The following MYH2 variants were observed in gnomAD, a reference collection of about 807,000 sequenced individuals.
MYH2 encodes myosin-2.
MYH2 carries 139 observed loss-of-function variants against 228.1 expected under a neutral mutation model. That is an observed-to-expected ratio of 0.61 (90% CI 0.53 to 0.70). The LOEUF (loss-of-function observed/expected upper bound fraction) is 0.70, where lower values mean the gene tolerates loss of function less well. Ranked by LOEUF, MYH2 falls within the 30% of genes least tolerant of loss-of-function variation. The probability of loss-of-function intolerance (pLI) is 0.00; values close to 1 mark genes in which losing one functional copy is unlikely to be tolerated. For synonymous variants in MYH2, 796 were observed against 871.1 expected (o/e 0.91, Z 1.52); for missense variants, 1,809 against 2,357.5 (o/e 0.77, Z 4.82).
In MYH2 at chr17:10,524,612, G is replaced by A; in HGVS notation, c.5029C>T (p.Leu1677=). 1 of 1,614,218 alleles carries A rather than the reference G, an allele frequency of 6.2e-7. No homozygotes were observed. Among genetic ancestry groups the A allele is most frequent in the Non-Finnish European group, 8.5e-7 (1 of 1,180,038 alleles). The change falls in exon 35 of 40, where the codon CTG becomes TTG. Residue 1677 remains leucine, a synonymous_variant. Coordinates refer to ENST00000245503, the MANE Select transcript of MYH2 (RefSeq NM_017534.6). This position sits in a 1 kb window ranked among gnomAD's most constrained non-coding sequence, Gnocchi z 4.7. ...TTGGCTCTGCGCTCCACCATGGCCA[G>A]CTGTTCCTTCAGGTCCTCCTGGCTC... ...LRSQEDLKEQ[L]AMVERRANLL...
intron 22 of MYH2, among the ~76,000 whole-genome samples, chr17:10,530,458 A>G (rs2073411425): frequency 6.6e-6 from 1 of 152,070 alleles, no homozygotes; most frequent in African/African-American, 2.4e-5. Flanking sequence ...GCAGAAATCA[A>G]CTTATTGTGG....
At position 10,525,294 on chromosome 17, in the gene MYH2, T is replaced by A. The variant is rs765685386; in HGVS notation, c.4592A>T (p.Glu1531Val). The change falls in exon 33 of 40, where the codon GAA (glutamate) becomes GTA (valine). Residue 1531 changes from glutamate (E) to valine (V), a missense_variant. Glu to Val is a moderately radical substitution (Grantham distance 121). Transcript: ENST00000245503. The surrounding 1 kb of genome is among the most constrained non-coding windows in gnomAD (Gnocchi z 4.2). Reference sequence around the variant, plus strand: ...CACTTGTTTCTTTATTTTCTCCAGTTCATGGATACGTTTCCCTCCTTCTGC... The same window carrying A: ...CACTTGTTTCTTTATTTTCTCCAGTACATGGATACGTTTCCCTCCTTCTGC... The part of the protein sequence containing the change: ...QIAEGGKRIH[E>V]LEKIKKQVEQ... 2 of 1,614,072 alleles carry A rather than the reference T, an allele frequency of 1.2e-6. No individual in the cohort carries two copies. The highest frequency in any genetic ancestry group is 1.3e-5 in the African/African-American group (1 of 74,936).
At position 10,535,722 on chromosome 17, in the gene MYH2, TC is replaced by T. The variant is rs1277911752; in HGVS notation, c.1975-358del. 2.6e-5 allele frequency among the ~76,000 whole-genome samples: 4 copies of T among 152,182 alleles called. No homozygotes were observed. In the East Asian group the frequency reaches 7.7e-4, roughly 29 times the overall value. On this transcript the variant is annotated intron_variant, in intron 17 of 39. Coordinates refer to ENST00000245503, the MANE Select transcript of MYH2 (RefSeq NM_017534.6). ...TCTTTCTTCTACCAAATTCCATAGT[TC>T]TCCAATAAGGAAATGGAAGCCTGCA...
Position 10,529,662 on chromosome 17 carries a change from C to T in MYH2, c.3019G>A (p.Glu1007Lys), listed in dbSNP as rs1226690028. ...TCATCCAGGGTCTGCTGGTGGGCCTCCTGGAGAGCCTTCTTCTCCTTGGTC... is the reference window on the plus strand; with the variant it reads ...TCATCCAGGGTCTGCTGGTGGGCCTTCTGGAGAGCCTTCTTCTCCTTGGTC... ...KLTKEKKALQ[E>K]AHQQTLDDLQ... The change falls in exon 24 of 40, where the codon GAG (glutamate) becomes AAG (lysine). Residue 1007 changes from glutamate to lysine, a missense_variant. Around this residue, in one of 9 missense-constraint regions of MYH2, gnomAD observed 636 missense variants for 729.9 expected, o/e 0.87. Coordinates refer to ENST00000245503, the MANE Select transcript of MYH2 (RefSeq NM_017534.6). 6.2e-7 allele frequency: 1 copy of T among 1,614,020 alleles called. No individual in the cohort carries two copies. Among genetic ancestry groups the T allele is most frequent in the South Asian group, 1.1e-5 (1 of 91,068 alleles).
chr17:10,546,255 TGATA>T (rs1417550588), intron 4 of MYH2, among the ~76,000 whole-genome samples: 432 of 27,154 alleles, frequency 0.016, 12 homozygotes, highest in African/African-American at 0.073. Flanking sequence ...GGACACGAAA[TGATA>T]TATATATATA....
chr17:10,543,544 T>C (rs1266608612), intron 8 of MYH2, among the ~76,000 whole-genome samples, 167 bp downstream of exon 8: 1 of 152,136 alleles, frequency 6.6e-6, no homozygotes, highest in Non-Finnish European at 1.5e-5. Flanking sequence ...AAAGGCCATA[T>C]ATCCTTCAAG....
At position 10,525,509 on chromosome 17, in the gene MYH2, G is replaced by T; in HGVS notation, c.4479C>A (p.Ala1493=). 1 of 1,614,130 alleles carries T rather than the reference G, an allele frequency of 6.2e-7. No individual in the cohort carries two copies. The highest frequency in any genetic ancestry group is 1.1e-5 in the South Asian group (1 of 91,076). The change falls in exon 32 of 40, where the codon GCC becomes GCA. Residue 1493 remains alanine (A), a synonymous_variant. Coordinates refer to ENST00000245503, the MANE Select transcript of MYH2 (RefSeq NM_017534.6). This position sits in a 1 kb window ranked among gnomAD's most constrained non-coding sequence, Gnocchi z 4.2. ...CTAGCTGATCCAAAGATTCCTCATA[G>T]GCATTCTTTATCTTGAACAGCTCAG... is the stretch of plus-strand genomic sequence containing the variant. ...LGTELFKIKN[A]YEESLDQLET...
chr17:10,549,107 G>A (rs1484731212), intron 2 of MYH2, among the ~76,000 whole-genome samples: 1 of 152,162 alleles, frequency 6.6e-6, no homozygotes, highest in Admixed American at 6.5e-5. Flanking sequence ...GGGAATCTGA[G>A]GGTAGACTCT....
chr17:10,525,086 A>G lies in MYH2; in HGVS notation c.4663-21T>C. ...GATGCCTTAATGACAGCAAGAGGTG[A>G]CATTAGCAAGGAACCAAAAGCTTTA... On this transcript the variant is annotated intron_variant, in intron 33 of 39. Transcript: ENST00000245503. This position sits in a 1 kb window ranked among gnomAD's most constrained non-coding sequence, Gnocchi z 4.2. 6.2e-7 allele frequency: 1 copy of G among 1,614,166 alleles called. No individual in the cohort carries two copies. Among genetic ancestry groups the G allele is most frequent in the Non-Finnish European group, 8.5e-7 (1 of 1,180,024 alleles).
rs767880435 is a variant in MYH2, at chr17:10,535,283, G to T, written c.2057C>A (p.Thr686Asn). 3.7e-6 allele frequency: 6 copies of T among 1,614,010 alleles called. No individual in the cohort carries two copies. Among genetic ancestry groups the T allele is most frequent in the African/African-American group, 1.3e-5 (1 of 74,914 alleles). ...TTCATTATGGAATTTCTTACCAGGAGTTTTTGTCTCATTGGGGATGATACA... is the reference window on the plus strand; with the variant it reads ...TTCATTATGGAATTTCTTACCAGGATTTTTTGTCTCATTGGGGATGATACA... ...VRCIIPNETK[T>N]PGAMEHELVL... Residue 686 changes from threonine (T) to asparagine (N), a missense_variant, in exon 18 of 40, where the codon ACT (threonine) becomes AAT (asparagine). Coordinates refer to ENST00000245503, the MANE Select transcript of MYH2 (RefSeq NM_017534.6).
At position 10,539,820 on chromosome 17, in the gene MYH2, C is replaced by T. The variant is rs370324357; in HGVS notation, c.1147+108G>A. The T allele has an allele frequency of 6.2e-5, 93 of 1,500,132 alleles. 1 individual carries two copies. In the South Asian group the frequency reaches 6.6e-4, roughly 11 times the overall value. The allele number at this position is 1,500,132 out of a possible 1,614,324, so 92.9% of individuals were successfully genotyped here. A position where few individuals can be genotyped will look rare whatever the true frequency, so the allele number is the denominator to read the frequency against. On this transcript the variant is annotated intron_variant, in intron 12 of 39. Coordinates refer to ENST00000245503, the MANE Select transcript of MYH2 (RefSeq NM_017534.6). ...ATTTAGGTATACAGATACTTTAAAA[C>T]TTAATTCTTAAAAGTGAATTTACCT...
chr17:10,523,346 G>A lies in MYH2; in HGVS notation c.5539C>T (p.Arg1847Cys), dbSNP rs774045866. The change falls in exon 38 of 40, where the codon CGC (arginine) becomes TGC (cysteine). Residue 1847 changes from arginine (R) to cysteine (C), a missense_variant. Arg to Cys is a radical substitution (Grantham distance 180). Around this residue, in one of 9 missense-constraint regions of MYH2, gnomAD observed 278 missense variants for 308.5 expected, o/e 0.90. Transcript: ENST00000245503. ...TCCTTCACTCGCCTCTCATGTTTGC[G>A]CAGACCTTTGACAGCCTCAGCATTA... is the stretch of plus-strand genomic sequence containing the variant. ...KRNAEAVKGL[R>C]KHERRVKELT... 5.8e-5 allele frequency: 94 copies of A among 1,614,012 alleles called. No individual in the cohort carries two copies. Among genetic ancestry groups the A allele is most frequent in the Non-Finnish European group, 7.0e-5 (83 of 1,180,038 alleles).
At chr17:10,530,657 C>T (rs1008994790) in intron 22 of MYH2, among the ~76,000 whole-genome samples, 9 of 152,012 alleles carry the variant, frequency 5.9e-5, no homozygotes, top group East Asian at 1.9e-4. Context: ...ACAGGGCAGG[C>T]GGGAAATGAA....
intron 5 of MYH2, among the ~76,000 whole-genome samples, chr17:10,545,033 A>T (rs62060665): frequency 6.6e-6 from 1 of 150,898 alleles, no homozygotes; most frequent in Non-Finnish European, 1.5e-5. Flanking sequence ...GTGTGTGTGT[A>T]TATATACATA....
chr17:10,540,421 G>A (rs549491577), intron 11 of MYH2, among the ~76,000 whole-genome samples, 173 bp downstream of exon 11: 1 of 152,154 alleles, frequency 6.6e-6, no homozygotes, highest in East Asian at 1.9e-4. Context: ...AATGTAAGGG[G>A]TAAGCAAAAT....
chr17:10,543,669 T>G (rs1249491860), intron 8 of MYH2, 42 bp downstream of exon 8: 1 of 1,604,320 alleles, frequency 6.2e-7, no homozygotes, highest in Non-Finnish European at 8.5e-7. Context: ...TCATAAATTT[T>G]GACCAGTGAA....
At chr17:10,545,623 G>T in intron 4 of MYH2, 121 bp from the exon 5 acceptor site, 1 of 1,352,546 alleles carries the variant, frequency 7.4e-7, no homozygotes, top group Non-Finnish European at 1.0e-6. Context: ...GGAGTGCAGT[G>T]GTGCTACCTC....
At position 10,534,943 on chromosome 17, in the gene MYH2, C is replaced by G. The variant is rs563567517; in HGVS notation, c.2180+130G>C. 303 of 1,183,274 alleles carry G rather than the reference C, an allele frequency of 2.6e-4. 1 individual carries two copies. The East Asian group carries it at 4.8e-3, about 19-fold the overall frequency. 73.3% of individuals were successfully genotyped at this position (1,183,274 alleles called of 1,614,324 possible). A position where few individuals can be genotyped will look rare whatever the true frequency, so the allele number is the denominator to read the frequency against. On this transcript the variant is annotated intron_variant, in intron 19 of 39. Transcript: ENST00000245503. ...AAACAAAAGTGTTCGAGACTTGAGA[C>G]TTGTAATTTTTTTACTTCTTTTTGT...
chr17:10,523,725 G>A (rs2073313476), intron 36 of MYH2, 34 bp downstream of exon 36: 1 of 1,614,074 alleles, frequency 6.2e-7, no homozygotes, highest in African/African-American at 1.3e-5. Flanking sequence ...AAATCTTACT[G>A]CTAAATCAGT....
Sources: gnomAD v4.1 joint callset for allele counts (sites outside exome capture counted in the v4.1 genomes callset) on GRCh38, gnomAD v4.1.1 for gene constraint, gnomAD v4.1.1 regional missense constraint, Gnocchi (gnomAD v3.1) non-coding constraint, MANE v1.5 for transcripts, NCBI Gene and HGNC (gene_info 2026-07-23, HGNC 2026-07-21) for gene names.